AHCYL1: variants seen among roughly 807,000 people sequenced by gnomAD.
AHCYL1 encodes the protein S-adenosylhomocysteine hydrolase-like protein 1.
Under a neutral mutation model 79.3 loss-of-function variants are expected in AHCYL1, and 20 were observed. That is an observed-to-expected ratio of 0.25 (90% confidence interval 0.18 to 0.37). The LOEUF (loss-of-function observed/expected upper bound fraction) is 0.37, where lower values mean the gene tolerates loss of function less well. Ranked by LOEUF, AHCYL1 falls within the 10% of genes least tolerant of loss-of-function variation. The probability of loss-of-function intolerance (pLI) is 1.00; values close to 1 mark genes in which losing one functional copy is unlikely to be tolerated. For synonymous variants in AHCYL1, 223 were observed against 242.2 expected (o/e 0.92, Z 0.74); for missense variants, 330 against 673.6 (o/e 0.49, Z 5.65).
chr1:110,016,308 G>A (rs1359090372), intron 7 of AHCYL1, 36 bp from the exon 8 acceptor site: 4 of 1,530,600 alleles, frequency 2.6e-6, no homozygotes, highest in Non-Finnish European at 3.6e-6. Context: ...AGCTAACTTG[G>A]TTTTTGTTTG....
chr1:109,997,821 T>A (rs1232678013), intron 1 of AHCYL1, among the ~76,000 whole-genome samples: 1 of 152,216 alleles, frequency 6.6e-6, no homozygotes, highest in African/African-American at 2.4e-5. Context: ...ATCTTTAGTA[T>A]AACCACAGGT....
rs1255928675 is a variant in AHCYL1 at position 109,985,089 on chromosome 1, G to A, written c.37G>A (p.Gly13Arg). The change falls in exon 1 of 17, where the codon GGG becomes AGG. Residue 13 changes from glycine to arginine, a missense_variant. By Grantham distance (125) the Gly-to-Arg change is moderately radical. Around this residue, in one of 6 missense-constraint regions of AHCYL1, gnomAD observed 66 missense variants for 68.0 expected, o/e 0.97. Coordinates refer to ENST00000369799, the MANE Select transcript of AHCYL1 (RefSeq NM_006621.7). ...TGACGCGATGCCGCTGCCCGGGGTC[G>A]GGGAGGAGCTGAAGCAGGCCAAGGA... ...MPDAMPLPGVGEELKQAKEIE... is the reference protein window; with the variant it reads ...MPDAMPLPGVREELKQAKEIE... 4 of 1,608,354 alleles carry A rather than the reference G, an allele frequency of 2.5e-6. No individual in the cohort carries two copies. The highest frequency in any genetic ancestry group is 2.7e-5 in the African/African-American group (2 of 74,522).
intron 1 of AHCYL1, among the ~76,000 whole-genome samples, chr1:110,007,019 G>T (rs1264368181): frequency 6.6e-6 from 1 of 152,148 alleles, no homozygotes; most frequent in Non-Finnish European, 1.5e-5. Context: ...ATTTTGCTTA[G>T]GTTTAGGCTA....
chr1:110,021,572 G>C, intron 16 of AHCYL1, 102 bp from the exon 17 acceptor site: 1 of 1,168,624 alleles, frequency 8.6e-7, no homozygotes, highest in Non-Finnish European at 1.3e-6. Flanking sequence ...ATCCCACCCA[G>C]GCTGGGGAGG....
chr1:110,018,681 G>C, intron 13 of AHCYL1, 31 bp downstream of exon 13: 1 of 1,590,030 alleles, frequency 6.3e-7, no homozygotes, highest in Non-Finnish European at 8.6e-7. Flanking sequence ...TGGCAGAGCA[G>C]CACAAGCAGA....
At chr1:110,000,097 A>G (rs1650228399) in intron 1 of AHCYL1, among the ~76,000 whole-genome samples, 1 of 152,230 alleles carries the variant, frequency 6.6e-6, no homozygotes, top group Admixed American at 6.5e-5. Flanking sequence ...AACCTCTTCA[A>G]AAAGCACATT....
chr1:109,992,732 G>A (rs1237559066), intron 1 of AHCYL1, among the ~76,000 whole-genome samples: 1 of 152,220 alleles, frequency 6.6e-6, no homozygotes, highest in African/African-American at 2.4e-5. Context: ...TAGAACAATG[G>A]TTCTTACTCT....
rs1027250267 is a variant in AHCYL1, at chr1:110,022,043, C to T, written c.*363C>T. On this transcript the variant is annotated 3_prime_UTR_variant, in exon 17 of 17. Transcript: ENST00000369799. ...GGAACAATCTGCAATGTCTAAATCG[C>T]CTTAAAAGAGCCCATTTCTTAGCTG... 2 of 188,514 alleles carry T rather than the reference C, an allele frequency of 1.1e-5. No individual in the cohort carries two copies. Among genetic ancestry groups the T allele is most frequent in the Non-Finnish European group, 2.2e-5 (2 of 92,298 alleles). 11.7% of individuals were successfully genotyped at this position (188,514 alleles called of 1,614,324 possible).
chr1:110,012,827 G>A (rs1202447463), intron 4 of AHCYL1, 70 bp from the exon 5 acceptor site: 9 of 1,224,758 alleles, frequency 7.3e-6, no homozygotes, highest in African/African-American at 3.0e-5. Flanking sequence ...TTGCTATCTT[G>A]ATGAGGCTTG....
At chr1:110,003,230 A>G (rs1650416861) in intron 1 of AHCYL1, among the ~76,000 whole-genome samples, 1 of 152,338 alleles carries the variant, frequency 6.6e-6, no homozygotes, top group African/African-American at 2.4e-5. Flanking sequence ...ATGGTTCTGT[A>G]GGAGAATATT....
chr1:109,993,341 T>G (rs1354916581), intron 1 of AHCYL1, among the ~76,000 whole-genome samples: 1 of 152,238 alleles, frequency 6.6e-6, no homozygotes, highest in East Asian at 1.9e-4. Flanking sequence ...AGGACTGACC[T>G]GATATTTGAA....
chr1:110,018,530 A>T (rs1425282957), intron 12 of AHCYL1, 22 bp from the exon 13 acceptor site: 1 of 1,614,016 alleles, frequency 6.2e-7, no homozygotes, highest in Non-Finnish European at 8.5e-7. Flanking sequence ...AACCATAGTC[A>T]ACTGTGCTTT....
At chr1:110,016,800 G>C in intron 9 of AHCYL1, 70 bp downstream of exon 9, 1 of 1,583,862 alleles carries the variant, frequency 6.3e-7, no homozygotes, top group South Asian at 1.1e-5. Flanking sequence ...AAGGAGGCTT[G>C]TGCTGTCAAT....
rs750697489 is a variant in AHCYL1 at position 110,017,557 on chromosome 1, C to T, written c.1026C>T (p.Ile342=). Residue 342 remains isoleucine (I), a synonymous_variant, in exon 10 of 17, where the codon ATC becomes ATT. Transcript: ENST00000369799. The part of the protein sequence containing the change: ...ALGAIVYITE[I]DPICALQACM... ...GAGCAATTGTCTACATTACCGAAATCGACCCCATCTGTGCTCTGCAGGCCT... is the reference window on the plus strand; with the variant it reads ...GAGCAATTGTCTACATTACCGAAATTGACCCCATCTGTGCTCTGCAGGCCT... 1.9e-6 allele frequency: 3 copies of T among 1,614,122 alleles called. No individual in the cohort carries two copies. The highest frequency in any genetic ancestry group is 4.5e-5 in the East Asian group (2 of 44,880).
rs147627700 is a variant in AHCYL1 at position 110,018,962 on chromosome 1, G to A, written c.1318-89G>A. ...TCCTCTTCCAACTGAGTCTAGAGGGGTGTAAAGTCCTCTCCCGCTTTGGCT... is the reference window on the plus strand; with the variant it reads ...TCCTCTTCCAACTGAGTCTAGAGGGATGTAAAGTCCTCTCCCGCTTTGGCT... On this transcript the variant is annotated intron_variant, in intron 13 of 16. Transcript: ENST00000369799. 5,482 of 1,206,434 alleles carry A rather than the reference G, an allele frequency of 4.5e-3. 20 individuals are homozygous for A. Among genetic ancestry groups the A allele is most frequent in the Non-Finnish European group, 5.4e-3 (4,356 of 808,788 alleles). The allele number at this position is 1,206,434 out of a possible 1,614,324, so 74.7% of individuals were successfully genotyped here.
At chr1:110,007,906 T>C (rs1292715313) in intron 1 of AHCYL1, among the ~76,000 whole-genome samples, 1 of 152,202 alleles carries the variant, frequency 6.6e-6, no homozygotes, top group East Asian at 1.9e-4. Flanking sequence ...TTACACACTT[T>C]ATAAATCTAT....
At chr1:109,996,895 C>G (rs1184827428) in intron 1 of AHCYL1, among the ~76,000 whole-genome samples, 1 of 152,194 alleles carries the variant, frequency 6.6e-6, no homozygotes, top group Non-Finnish European at 1.5e-5. Flanking sequence ...GGCTAAGAAC[C>G]TAGAAGACTT....
intron 1 of AHCYL1, among the ~76,000 whole-genome samples, chr1:110,008,015 TTTTTGGG>T (rs1236315498): frequency 7.8e-6 from 1 of 127,930 alleles, no homozygotes; most frequent in African/African-American, 2.8e-5. Flanking sequence ...GGAAGTTTTT[TTTTTGGG>T]TTTTTTTTTT....
chr1:110,010,878 T>G (rs1650980529), intron 2 of AHCYL1, among the ~76,000 whole-genome samples: 1 of 152,182 alleles, frequency 6.6e-6, no homozygotes, highest in African/African-American at 2.4e-5. Flanking sequence ...TTCTTCTGTT[T>G]TTGCCAGGTC....
Sources: gnomAD v4.1 joint callset for allele counts (sites outside exome capture counted in the v4.1 genomes callset) on GRCh38, gnomAD v4.1.1 for gene constraint, gnomAD v4.1.1 regional missense constraint, MANE v1.5 for transcripts, NCBI Gene and HGNC (gene_info 2026-07-23, HGNC 2026-07-21) for gene names.